Variants in NCF2 observed in about 807,000 individuals in gnomAD.
NCF2 encodes the protein neutrophil cytosol factor 2.
Under a neutral mutation model 70.9 loss-of-function variants are expected in NCF2, and 45 were observed. The ratio of observed to expected loss-of-function variants is 0.63; its 90% CI spans 0.50 to 0.81. The LOEUF (loss-of-function observed/expected upper bound fraction) is 0.81. Among genes scored for constraint, NCF2 ranks in the 40% least tolerant of loss-of-function variants. The pLI is 0.00. For synonymous variants in NCF2, 203 were observed against 233.6 expected (o/e 0.87, Z 1.19); for missense variants, 522 against 631.6 (o/e 0.83, Z 1.86).
intron 3 of NCF2, among the ~76,000 whole-genome samples, chr1:183,576,585 T>A (rs1257483625): frequency 2.0e-5 from 3 of 152,188 alleles, no homozygotes; most frequent in Non-Finnish European, 4.4e-5. Context: ...TGGTCCAACA[T>A]ATTAACAGAG....
the NCF2 span, among the ~76,000 whole-genome samples, chr1:183,599,450 C>CTTTCTTTCTTTCTTTCTTTCT: frequency 7.4e-4 from 68 of 91,334 alleles, no homozygotes; most frequent in African/African-American, 2.3e-3. Flanking sequence ...TTCTTTCTTT[C>CTTTCTTTCTTTCTTTCTTTCT]TTTCTTTCTT....
In NCF2 at chr1:183,590,290, C is replaced by T; in HGVS notation, c.40G>A (p.Val14Met). The change falls in exon 1 of 15, where the codon GTG becomes ATG. Residue 14 changes from valine (V) to methionine (M), a missense_variant. Transcript: ENST00000367535. ...VEAISLWNEGVLAADKKDWKG... is the reference protein window; with the variant it reads ...VEAISLWNEGMLAADKKDWKG... ...CAGTCCTTCTTGTCCGCTGCCAGCA[C>T]CCCTTCATTCCAGAGGCTGATGGCC... 8 of 1,614,122 alleles carry T rather than the reference C, an allele frequency of 5.0e-6. No homozygotes were observed. Among genetic ancestry groups the T allele is most frequent in the Non-Finnish European group, 6.8e-6 (8 of 1,180,022 alleles).
chr1:183,587,330 AC>A (rs762271361), intron 1 of NCF2, among the ~76,000 whole-genome samples: 13 of 152,164 alleles, frequency 8.5e-5, no homozygotes, highest in Admixed American at 8.5e-4. Context: ...GCGGTTGCTC[AC>A]ACCTGTAATC....
intron 2 of NCF2, among the ~76,000 whole-genome samples, chr1:183,585,642 T>C (rs34014596): frequency 0.01 from 999 of 97,774 alleles, 21 homozygotes; most frequent in African/African-American, 0.048. Context: ...AAAAAAATTC[T>C]TCATTAGCCT....
rs1293077582 is a variant in NCF2, at chr1:183,560,175, C to G, written c.1389G>C (p.Glu463Asp). Residue 463 changes from glutamate to aspartate, a missense_variant, in exon 14 of 15, where the codon GAG becomes GAC. Transcript: ENST00000367535. ...EPQLKKGSQVEALFSYEATQP... is the reference protein window; with the variant it reads ...EPQLKKGSQVDALFSYEATQP... ...GGGTAGCCTCATAACTGAAGAGTGC[C>G]TCCACTTGGCTGCCTTTCTTAAGCT... The G allele has an allele frequency of 6.2e-7, 1 of 1,614,154 alleles. No individual in the cohort carries two copies. Among genetic ancestry groups the G allele is most frequent in the South Asian group, 1.1e-5 (1 of 91,086 alleles).
chr1:183,590,188 T>C lies in NCF2; in HGVS notation c.142A>G (p.Thr48Ala), dbSNP rs1673575726. 1.9e-6 allele frequency: 3 copies of C among 1,614,200 alleles called. No individual in the cohort carries two copies. Among genetic ancestry groups the C allele is most frequent in the Non-Finnish European group, 2.5e-6 (3 of 1,180,036 alleles). The change falls in exon 1 of 15, where the codon ACT (threonine) becomes GCT (alanine). Residue 48 changes from threonine (T) to alanine (A), a missense_variant. Physicochemically the swap from Thr to Ala is moderately conservative, Grantham distance 58 (BLOSUM62 0). Transcript: ENST00000367535. ...GCTTCAGTCATGTTCTTCAGGATAG[T>C]GTACATGCAGCCAATGTTGAAGCAA... ...RICFNIGCMY[T>A]ILKNMTEAEK...
At position 183,555,781 on chromosome 1, in the gene NCF2, TG is replaced by T. The variant is rs1671739591; in HGVS notation, c.*336del. On this transcript the variant is annotated 3_prime_UTR_variant, in exon 15 of 15. Transcript: ENST00000367535. ...TGCACCAAATGTACAGCTTGATGAATGTTTACAGTGTGAACACAGCTGGCTA... is the reference window on the plus strand; with the variant it reads ...TGCACCAAATGTACAGCTTGATGAATTTTACAGTGTGAACACAGCTGGCTA... The T allele has an allele frequency of 3.1e-6, 1 of 326,948 alleles. No homozygotes were observed. Among genetic ancestry groups the T allele is most frequent in the African/African-American group, 2.1e-5 (1 of 47,792 alleles). 20.3% of individuals were successfully genotyped at this position (326,948 alleles called of 1,614,324 possible). A position where few individuals can be genotyped will look rare whatever the true frequency, so the allele number is the denominator to read the frequency against.
chr1:183,569,253 C>T (rs758545086), intron 6 of NCF2, 68 bp from the exon 7 acceptor site: 198 of 1,369,834 alleles, frequency 1.4e-4, no homozygotes, highest in South Asian at 1.7e-4. Context: ...AGACAACAAA[C>T]GGCTAATGGT....
intron 10 of NCF2, among the ~76,000 whole-genome samples, chr1:183,564,859 A>G (rs1672233620): frequency 6.6e-6 from 1 of 152,256 alleles, no homozygotes; most frequent in Non-Finnish European, 1.5e-5. Flanking sequence ...TTCTATTGTG[A>G]TTATGCAGGA....
intron 13 of NCF2, among the ~76,000 whole-genome samples, chr1:183,561,266 A>G (rs551339303): frequency 9.8e-5 from 15 of 152,374 alleles, no homozygotes; most frequent in African/African-American, 3.6e-4. Flanking sequence ...ACCGAGCATT[A>G]TAAGTTCTAG....
intron 2 of NCF2, among the ~76,000 whole-genome samples, chr1:183,579,776 C>G (rs1672977029): frequency 7.5e-6 from 1 of 133,642 alleles, no homozygotes; most frequent in Admixed American, 7.7e-5. Context: ...AGAATAATAA[C>G]AGCATATACC....
At chr1:183,557,275 T>TA (rs1258896545) in intron 14 of NCF2, among the ~76,000 whole-genome samples, 1 of 152,216 alleles carries the variant, frequency 6.6e-6, no homozygotes, top group Non-Finnish European at 1.5e-5. Context: ...GATCAGACAT[T>TA]AAGGCACTGG....
At chr1:183,589,545 G>A (rs960261860) in intron 1 of NCF2, among the ~76,000 whole-genome samples, 3 of 152,176 alleles carry the variant, frequency 2.0e-5, no homozygotes, top group Admixed American at 2.0e-4. Flanking sequence ...ATTTGAGTGA[G>A]AAAACATAAC....
At chr1:183,570,714 CGAATT>C (rs1672505100) in intron 6 of NCF2, 61 bp downstream of exon 6, 12 of 1,537,172 alleles carry the variant, frequency 7.8e-6, no homozygotes, top group Non-Finnish European at 1.1e-5. Flanking sequence ...CATAGTCTCT[CGAATT>C]GAATGCTTCA....
chr1:183,589,490 A>C (rs1158300379), intron 1 of NCF2, among the ~76,000 whole-genome samples: 1 of 152,168 alleles, frequency 6.6e-6, no homozygotes, highest in Non-Finnish European at 1.5e-5. Flanking sequence ...TACCACAACC[A>C]ATCAAAAAAA....
In NCF2 at chr1:183,573,396, C is replaced by T. The variant is rs1672658640; in HGVS notation, c.502-104G>A. On this transcript the variant is annotated intron_variant, in intron 4 of 14. Coordinates refer to ENST00000367535, the MANE Select transcript of NCF2 (RefSeq NM_000433.4). ...ATGCAAGAATTCATTGAGATAACCACATAGAAGCCCTTTTCCAAATGAGTG... is the reference window on the plus strand; with the variant it reads ...ATGCAAGAATTCATTGAGATAACCATATAGAAGCCCTTTTCCAAATGAGTG... 16 of 1,073,746 alleles carry T rather than the reference C, an allele frequency of 1.5e-5. No homozygotes were observed. The Admixed American group carries it at 2.5e-4, about 17-fold the overall frequency. 66.5% of individuals were successfully genotyped at this position (1,073,746 alleles called of 1,614,324 possible).
At chr1:183,597,052 C>A in the NCF2 span, among the ~76,000 whole-genome samples, 9 of 152,176 alleles carry the variant, frequency 5.9e-5, no homozygotes. Flanking sequence ...CATCTTATAT[C>A]AAAGTCTTAA....
In NCF2 at chr1:183,561,833, T is replaced by C. The variant is rs1159509817; in HGVS notation, c.1290+1362A>G. Among the ~76,000 whole-genome samples, 3 of 129,794 alleles carry C rather than the reference T, an allele frequency of 2.3e-5. No homozygotes were observed. In the Admixed American group the frequency reaches 2.7e-4, roughly 12 times the overall value. The allele number at this position is 129,794 out of a possible 152,430, so 85.1% of individuals were successfully genotyped here. On this transcript the variant is annotated intron_variant, in intron 13 of 14. Coordinates refer to ENST00000367535, the MANE Select transcript of NCF2 (RefSeq NM_000433.4). Reference sequence around the variant, plus strand: ...TTTTTTTTTTGAGGCAGAATCTCTCTGTCACCCAGACTGGAGTGCAGTGGT... The same window carrying C: ...TTTTTTTTTTGAGGCAGAATCTCTCCGTCACCCAGACTGGAGTGCAGTGGT...
intron 1 of NCF2, among the ~76,000 whole-genome samples, chr1:183,589,055 G>C (rs537302019): frequency 3.3e-5 from 5 of 152,348 alleles, no homozygotes; most frequent in South Asian, 4.1e-4. Context: ...AGCCAGAGGT[G>C]GGGGGTCCTG....
Sources: gnomAD v4.1 joint callset for allele counts (sites outside exome capture counted in the v4.1 genomes callset) on GRCh38, gnomAD v4.1.1 for gene constraint, MANE v1.5 for transcripts, NCBI Gene and HGNC (gene_info 2026-07-23, HGNC 2026-07-21) for gene names.